Variants in OLFM2 observed in about 807,000 individuals in gnomAD.
OLFM2 encodes noelin-2.
OLFM2 carries 20 observed loss-of-function variants against 43.9 expected under a neutral mutation model. That is an observed-to-expected ratio of 0.46 (90% CI 0.32 to 0.66). OLFM2 has a LOEUF of 0.66. Ranked by LOEUF, OLFM2 falls within the 30% of genes least tolerant of loss-of-function variation. OLFM2 has a pLI of 0.04. For synonymous variants in OLFM2, 268 were observed against 278.6 expected (o/e 0.96, Z 0.38); for missense variants, 416 against 643.6 (o/e 0.65, Z 3.83).
chr19:9,922,250 T>G (rs963248384), intron 1 of OLFM2, among the ~76,000 whole-genome samples: 3 of 137,252 alleles, frequency 2.2e-5, no homozygotes, highest in African/African-American at 3.0e-5. Flanking sequence ...AAAATATGAA[T>G]ATGTATCTAT....
rs35244050 is a variant in OLFM2 at position 9,875,514 on chromosome 19, C to CTTTT, written c.64-14724_64-14721dup. Among the ~76,000 whole-genome samples, 30 of 142,946 alleles carry CTTTT rather than the reference C, an allele frequency of 2.1e-4. No individual in the cohort carries two copies. In the East Asian group the frequency reaches 3.3e-3, roughly 16 times the overall value. The allele number at this position is 142,946 out of a possible 152,430, so 93.8% of individuals were successfully genotyped here. A position where few individuals can be genotyped will look rare whatever the true frequency, so the allele number is the denominator to read the frequency against. The stretch of plus-strand genomic sequence containing the variant: ...GCCGGGGATGAAGATGAATTAGCAG[C>CTTTT]TTTTTTTTTTTTTTGAGACAGGCTG... On this transcript the variant is annotated intron_variant, in intron 1 of 5. Coordinates refer to ENST00000264833, the MANE Select transcript of OLFM2 (RefSeq NM_058164.4).
chr19:9,863,063 G>A (rs1016088007), intron 1 of OLFM2, among the ~76,000 whole-genome samples: 11 of 151,944 alleles, frequency 7.2e-5, no homozygotes, highest in African/African-American at 2.7e-4. Flanking sequence ...CGTAGGCGTC[G>A]TTTGTTCAAA....
At position 9,860,652 on chromosome 19, in the gene OLFM2, A is replaced by G. The variant is rs1483433659; in HGVS notation, c.206T>C (p.Met69Thr). The G allele has an allele frequency of 2.5e-6, 4 of 1,585,472 alleles. No homozygotes were observed. In the Admixed American group the frequency reaches 7.1e-5, roughly 28 times the overall value. ...TACCTGGAAGGTTCTCACCTTCTCC[A>G]TCAGTTGCCGCAGCTCCCGACTCCT... ...DGRSRELRQL[M>T]EKVQNVSQSM... Residue 69 changes from methionine to threonine, a missense_variant, in exon 2 of 6, where the codon ATG becomes ACG. Met to Thr is a moderately conservative substitution (Grantham distance 81, BLOSUM62 -1). Coordinates refer to ENST00000264833, the MANE Select transcript of OLFM2 (RefSeq NM_058164.4).
At chr19:9,858,472 C>T (rs1167905836) in intron 2 of OLFM2, among the ~76,000 whole-genome samples, 1 of 152,178 alleles carries the variant, frequency 6.6e-6, no homozygotes, top group African/African-American at 2.4e-5. Context: ...ATTTCCTTCC[C>T]AGCTGTGACT....
intron 1 of OLFM2, among the ~76,000 whole-genome samples, chr19:9,873,707 G>A (rs1333890717): frequency 6.6e-6 from 1 of 151,666 alleles, no homozygotes; most frequent in Non-Finnish European, 1.5e-5. Context: ...ATGGCTCACT[G>A]CAGCCTCAAC....
intron 1 of OLFM2, among the ~76,000 whole-genome samples, chr19:9,932,412 G>A (rs941276532): frequency 1.4e-5 from 2 of 147,864 alleles, no homozygotes; most frequent in South Asian, 2.1e-4. Context: ...CCGAGATTGC[G>A]CCACTGCACT....
chr19:9,886,027 G>A (rs538891182), intron 1 of OLFM2, among the ~76,000 whole-genome samples: 40 of 151,604 alleles, frequency 2.6e-4, no homozygotes, highest in Non-Finnish European at 4.6e-4. Context: ...AGCCCAGAAG[G>A]TTGAGGCTGC....
intron 1 of OLFM2, among the ~76,000 whole-genome samples, chr19:9,901,083 G>A (rs1286611696): frequency 1.7e-5 from 2 of 116,752 alleles, no homozygotes; most frequent in Non-Finnish European, 3.6e-5. Flanking sequence ...GAAAGAAAGA[G>A]AGTGAGGAAG....
At chr19:9,923,303 C>T (rs535055339) in intron 1 of OLFM2, among the ~76,000 whole-genome samples, 10 of 151,886 alleles carry the variant, frequency 6.6e-5, no homozygotes, top group African/African-American at 2.4e-4. Flanking sequence ...GCCTGTAATC[C>T]CAGCACTTTG....
chr19:9,915,564 C>T (rs2144997210), intron 1 of OLFM2, among the ~76,000 whole-genome samples: 1 of 152,032 alleles, frequency 6.6e-6, no homozygotes, highest in East Asian at 1.9e-4. Context: ...GTCGCCCAGG[C>T]TGGAGTGCAG....
intron 1 of OLFM2, among the ~76,000 whole-genome samples, chr19:9,875,366 G>T (rs529147082): frequency 1.3e-5 from 2 of 152,298 alleles, no homozygotes; most frequent in Middle Eastern, 3.4e-3. Context: ...GCAGGGAAGA[G>T]CGAGGGTTCT....
At chr19:9,891,522 G>C (rs996139873) in intron 1 of OLFM2, among the ~76,000 whole-genome samples, 1 of 151,764 alleles carries the variant, frequency 6.6e-6, no homozygotes, top group Non-Finnish European at 1.5e-5. Context: ...CTACTTGGGA[G>C]GCTGAGGCAG....
chr19:9,902,915 T>C (rs759262337), intron 1 of OLFM2, among the ~76,000 whole-genome samples: 7 of 151,872 alleles, frequency 4.6e-5, no homozygotes, highest in Admixed American at 6.6e-5. Context: ...TGAGCTCAAG[T>C]GATCCTCCTG....
chr19:9,913,565 AC>A, intron 1 of OLFM2: 1 of 1,264,980 alleles, frequency 7.9e-7, no homozygotes, highest in Non-Finnish European at 1.0e-6. Flanking sequence ...CCAGTTGGTG[AC>A]CATGGCCATG....
intron 1 of OLFM2, among the ~76,000 whole-genome samples, chr19:9,900,461 A>T (rs1568380320): frequency 6.6e-6 from 1 of 152,102 alleles, no homozygotes; most frequent in East Asian, 1.9e-4. Context: ...CTGGTGGAGA[A>T]TATTCATGAT....
Position 9,856,776 on chromosome 19 carries a change from C to A in OLFM2, c.687+31G>T. On this transcript the variant is annotated intron_variant, in intron 5 of 5. Transcript: ENST00000264833. The surrounding 1 kb of genome is among the most constrained non-coding windows in gnomAD (Gnocchi z 4.0). ...GTCAAAGGCTCTGTCCCTCCCAGGC[C>A]CTGACCCCAGGGGTGGGCGCAGTCA... The A allele has an allele frequency of 1.1e-5, 17 of 1,569,958 alleles. No individual in the cohort carries two copies. The highest frequency in any genetic ancestry group is 1.5e-5 in the Non-Finnish European group (17 of 1,144,718).
intron 1 of OLFM2, among the ~76,000 whole-genome samples, chr19:9,887,869 C>T (rs2046601817): frequency 6.6e-6 from 1 of 151,982 alleles, no homozygotes; most frequent in Admixed American, 6.6e-5. Context: ...CCCATCTCTA[C>T]AAAAAATTAA....
At position 9,857,012 on chromosome 19, in the gene OLFM2, AC is replaced by A; in HGVS notation, c.581-100del. On this transcript the variant is annotated intron_variant, in intron 4 of 5. Transcript: ENST00000264833. The surrounding 1 kb of genome is among the most constrained non-coding windows in gnomAD (Gnocchi z 5.7). ...CTGTGATCAAGTTGGGAAAGCTGGG[AC>A]CAGGGATGAGGGAAGACTCAAAAAT... The A allele has an allele frequency of 9.3e-7, 1 of 1,077,782 alleles. No homozygotes were observed. The allele number at this position is 1,077,782 out of a possible 1,614,324, so 66.8% of individuals were successfully genotyped here. A position where few individuals can be genotyped will look rare whatever the true frequency, so the allele number is the denominator to read the frequency against.
chr19:9,858,931 C>G (rs1297676742), intron 2 of OLFM2, among the ~76,000 whole-genome samples: 2 of 151,916 alleles, frequency 1.3e-5, no homozygotes, highest in African/African-American at 4.8e-5. Context: ...GAACACCTGG[C>G]TAAGGTAGAC....
Sources: allele counts gnomAD v4.1 joint callset (sites outside exome capture counted in the v4.1 genomes callset), GRCh38; gene constraint gnomAD v4.1.1; non-coding constraint Gnocchi (gnomAD v3.1); transcripts MANE v1.5; gene names NCBI Gene and HGNC (gene_info 2026-07-23, HGNC 2026-07-21).